The following LPP variants were observed in gnomAD, a reference collection of about 807,000 sequenced individuals.
LPP encodes lipoma-preferred partner.
Under a neutral mutation model 60.4 loss-of-function variants are expected in LPP, and 38 were observed. The ratio of observed to expected loss-of-function variants is 0.63; its 90% CI spans 0.49 to 0.83. The LOEUF is 0.83. LPP is among the 40% of genes least tolerant of loss of function. The pLI, the probability that LPP is intolerant of heterozygous loss-of-function variation, is 0.00. For missense variants in LPP, 902 were observed against 783.6 expected, an observed-to-expected ratio of 1.15 and a Z score of -1.80; for synonymous variants, 328 against 290.8, an observed-to-expected ratio of 1.13 and a Z score of -1.30.
chr3:188,719,751 A>G (rs928826748), intron 8 of LPP, among the ~76,000 whole-genome samples: 2 of 152,046 alleles, frequency 1.3e-5, no homozygotes, highest in African/African-American at 2.4e-5. Context: ...CATTCCCCCA[A>G]CCTGCACTTT....
At chr3:188,425,926 G>C (rs1165825622) in intron 4 of LPP, among the ~76,000 whole-genome samples, 2 of 152,012 alleles carry the variant, frequency 1.3e-5, no homozygotes, top group Non-Finnish European at 2.9e-5. Flanking sequence ...TTGTTTTGAA[G>C]GGTTTTTCTC....
intron 8 of LPP, among the ~76,000 whole-genome samples, chr3:188,729,891 G>A (rs779508257): frequency 2.0e-5 from 3 of 151,932 alleles, no homozygotes; most frequent in Non-Finnish European, 4.4e-5. Flanking sequence ...CGTGGAGGTG[G>A]GAGGAGGATC....
In LPP at chr3:188,818,398, G is replaced by T. The variant is rs73888919; in HGVS notation, c.1411-47802G>T. 8.2e-3 allele frequency among the ~76,000 whole-genome samples: 1,244 copies of T among 152,192 alleles called. 15 individuals carry two copies. Among genetic ancestry groups the T allele is most frequent in the African/African-American group, 0.028 (1,175 of 41,536 alleles). ...TTTCTATTGGTATTTTCTCTCTTGA[G>T]CTATTCCCTACCTTGAATCTTTCAG... On this transcript the variant is annotated intron_variant, in intron 9 of 11. Coordinates refer to ENST00000617246, the MANE Select transcript of LPP (RefSeq NM_001375462.1).
intron 9 of LPP, among the ~76,000 whole-genome samples, chr3:188,823,930 A>G (rs1428884136): frequency 6.6e-6 from 1 of 152,132 alleles, no homozygotes; most frequent in Non-Finnish European, 1.5e-5. Context: ...GATTCTCAAA[A>G]CCATTAGATC....
intron 8 of LPP, among the ~76,000 whole-genome samples, chr3:188,718,061 T>A (rs1714794631): frequency 6.6e-6 from 1 of 152,210 alleles, no homozygotes; most frequent in Admixed American, 6.5e-5. Context: ...CCTCAGGTGA[T>A]CCTCCTGCCT....
intron 9 of LPP, among the ~76,000 whole-genome samples, chr3:188,775,045 C>A (rs1206372478): frequency 2.0e-5 from 3 of 148,338 alleles, no homozygotes; most frequent in African/African-American, 5.0e-5. Flanking sequence ...ATAGAAACTA[C>A]ATGCTTAGTG....
At chr3:188,563,492 T>A (rs925595461) in intron 6 of LPP, among the ~76,000 whole-genome samples, 38 of 9,564 alleles carry the variant, frequency 4.0e-3, no homozygotes, top group African/African-American at 7.6e-3. Flanking sequence ...GTGTGGTATA[T>A]TATCTATTTT....
intron 4 of LPP, among the ~76,000 whole-genome samples, chr3:188,447,824 A>T (rs187663538): frequency 1.3e-5 from 2 of 152,086 alleles, no homozygotes; most frequent in Admixed American, 1.3e-4. Context: ...CAGTATGGCC[A>T]TAGAGTAGGG....
chr3:188,777,783 T>C (rs1293016113), intron 9 of LPP, among the ~76,000 whole-genome samples: 1 of 152,228 alleles, frequency 6.6e-6, no homozygotes, highest in Non-Finnish European at 1.5e-5. Context: ...AGATTTTCTG[T>C]TGGCCCTTGG....
chr3:188,726,997 A>G (rs2149976633), intron 8 of LPP, among the ~76,000 whole-genome samples: 1 of 152,314 alleles, frequency 6.6e-6, no homozygotes, highest in Admixed American at 6.5e-5. Context: ...TAGTTTAGGC[A>G]GAAAAACCTT....
intron 6 of LPP, among the ~76,000 whole-genome samples, chr3:188,586,732 GT>G (rs11390616): frequency 1.4e-5 from 2 of 144,418 alleles, no homozygotes; most frequent in African/African-American, 5.1e-5. Flanking sequence ...CTTAAACATT[GT>G]TTTTTTTTTT....
chr3:188,340,029 T>G (rs867833098), intron 2 of LPP, among the ~76,000 whole-genome samples: 2 of 152,236 alleles, frequency 1.3e-5, no homozygotes, highest in Non-Finnish European at 2.9e-5. Context: ...TGTTAGTGCT[T>G]CGACAATTGA....
chr3:188,700,004 G>A (rs956028335), intron 7 of LPP, among the ~76,000 whole-genome samples: 2 of 152,182 alleles, frequency 1.3e-5, no homozygotes, highest in Middle Eastern at 3.4e-3. Flanking sequence ...GCTCTAAAAC[G>A]GGGCTAATTC....
At chr3:188,590,424 A>G (rs1299607970) in intron 6 of LPP, among the ~76,000 whole-genome samples, 1 of 152,086 alleles carries the variant, frequency 6.6e-6, no homozygotes, top group African/African-American at 2.4e-5. Flanking sequence ...AAATACAAAA[A>G]TTAGCCGGGC....
At chr3:188,514,741 G>C (rs184240675) in intron 5 of LPP, among the ~76,000 whole-genome samples, 1 of 152,076 alleles carries the variant, frequency 6.6e-6, no homozygotes, top group Admixed American at 6.6e-5. Flanking sequence ...CGTGCCTGGC[G>C]GCAGTTTTGT....
intron 3 of LPP, among the ~76,000 whole-genome samples, chr3:188,368,713 CACACACAG>C (rs1337869060): frequency 3.5e-4 from 41 of 117,614 alleles, no homozygotes; most frequent in East Asian, 1.3e-3. Context: ...CACACACACA[CACACACAG>C]AGAGAGAGAG....
chr3:188,407,301 GTCC>G (rs1783740690), intron 4 of LPP, among the ~76,000 whole-genome samples: 2 of 152,166 alleles, frequency 1.3e-5, no homozygotes, highest in Admixed American at 6.5e-5. Context: ...ATATAGTCCA[GTCC>G]TCCTCTTTTC....
At chr3:188,210,553 T>G (rs1454520393) in intron 1 of LPP, among the ~76,000 whole-genome samples, 1 of 152,192 alleles carries the variant, frequency 6.6e-6, no homozygotes, top group Non-Finnish European at 1.5e-5. Context: ...CACTTCTAAT[T>G]TTGAGATCAC....
intron 9 of LPP, among the ~76,000 whole-genome samples, chr3:188,816,579 C>T (rs1450199305): frequency 6.6e-6 from 1 of 152,108 alleles, no homozygotes; most frequent in Non-Finnish European, 1.5e-5. Context: ...GAGCTTATAC[C>T]TCCCTTCATG....
Sources: gnomAD v4.1 joint callset for allele counts (sites outside exome capture counted in the v4.1 genomes callset) on GRCh38, gnomAD v4.1.1 for gene constraint, MANE v1.5 for transcripts, NCBI Gene and HGNC (gene_info 2026-07-23, HGNC 2026-07-21) for gene names.